Variants in DYRK4 observed in about 807,000 individuals in gnomAD.
DYRK4 encodes the protein dual specificity tyrosine phosphorylation regulated kinase 4.
A neutral mutation model predicts 68.3 loss-of-function variants in DYRK4; 64 were observed. The observed-to-expected ratio is 0.94, with a 90% confidence interval of 0.77 to 1.15. The LOEUF is 1.15. DYRK4 is among the 50% of genes most tolerant of loss of function. The pLI is 0.00. For synonymous variants in DYRK4, 274 were observed against 289.9 expected (o/e 0.95, Z 0.56); for missense variants, 740 against 764.7 (o/e 0.97, Z 0.38).
intron 1 of DYRK4, among the ~76,000 whole-genome samples, chr12:4,563,849 GA>G (rs1944652296): frequency 6.6e-6 from 1 of 152,222 alleles, no homozygotes. Flanking sequence ...ATCAGTGGAG[GA>G]AATTTTGCTC....
intron 2 of DYRK4, among the ~76,000 whole-genome samples, chr12:4,586,054 A>G (rs1468579217): frequency 6.6e-6 from 1 of 152,134 alleles, no homozygotes; most frequent in Non-Finnish European, 1.5e-5. Flanking sequence ...CTCTACCAAA[A>G]ATAAAAATAA....
At position 4,591,125 on chromosome 12, in the gene DYRK4, G is replaced by C. The variant is rs1353730679; in HGVS notation, c.325-35G>C. 6.2e-7 allele frequency: 1 copy of C among 1,610,950 alleles called. No homozygotes were observed. Among genetic ancestry groups the C allele is most frequent in the African/African-American group, 1.3e-5 (1 of 74,876 alleles). ...TTTATGGCCCCCAGGAGAGTCCTAA[G>C]TAGTTATTTATTGCAAACCTCTTTT... On this transcript the variant is annotated intron_variant, in intron 4 of 14. Coordinates refer to ENST00000543431, the MANE Select transcript of DYRK4 (RefSeq NM_001394779.1). The surrounding 1 kb of genome is among the most constrained non-coding windows in gnomAD (Gnocchi z 4.1).
intron 1 of DYRK4, chr12:4,562,928 C>A (rs1028049666): frequency 2.7e-6 from 1 of 367,398 alleles, no homozygotes; most frequent in South Asian, 2.0e-5. Flanking sequence ...TTTTTAAAGG[C>A]TATTCTGTGA....
rs1415865244 is a variant in DYRK4 at position 4,596,595 on chromosome 12, C to T, written c.771C>T (p.His257=). Reference sequence around the variant, plus strand: ...CCACTCCCAATCACCTTAGGTTTCACCAGCAGGCCCTGATGGAGCTGAAGA... The same window carrying T: ...CCACTCCCAATCACCTTAGGTTTCATCAGCAGGCCCTGATGGAGCTGAAGA... ...LKIIRNKKRF[H]QQALMELKIL... The change falls in exon 8 of 15, where the codon CAC becomes CAT. Residue 257 remains histidine, a synonymous_variant. Coordinates refer to ENST00000543431, the MANE Select transcript of DYRK4 (RefSeq NM_001394779.1). The T allele has an allele frequency of 6.2e-7, 1 of 1,613,704 alleles. No individual in the cohort carries two copies.
intron 10 of DYRK4, chr12:4,602,969 T>G (rs1305629536): frequency 1.1e-6 from 1 of 875,582 alleles, no homozygotes; most frequent in African/African-American, 1.6e-5. Flanking sequence ...GAGCTTAAAT[T>G]TTCACTCCCT....
intron 2 of DYRK4, among the ~76,000 whole-genome samples, chr12:4,587,855 A>T (rs1944913082): frequency 6.6e-6 from 1 of 152,204 alleles, no homozygotes. Flanking sequence ...AGTGGGTCTG[A>T]TACCAGCTGT....
rs944948674 is a variant in DYRK4 at position 4,562,223 on chromosome 12, G to C, written c.-23G>C. ...CCGGGCTCTCACAGCCTCCCGCAGC[G>C]GCGGGCGGTCAGCGCCGGCCTCATG... On this transcript the variant is annotated 5_prime_UTR_variant, in exon 1 of 15. Transcript: ENST00000543431. 6.6e-7 allele frequency: 1 copy of C among 1,523,538 alleles called. No individual in the cohort carries two copies. Among genetic ancestry groups the C allele is most frequent in the Non-Finnish European group, 8.8e-7 (1 of 1,140,824 alleles). 94.4% of individuals were successfully genotyped at this position (1,523,538 alleles called of 1,614,324 possible).
rs1163360041 is a variant in DYRK4, at chr12:4,599,055, T to C, written c.933T>C (p.Asn311=). 6 of 1,614,134 alleles carry C rather than the reference T, an allele frequency of 3.7e-6. No individual in the cohort carries two copies. The Admixed American group carries it at 1.0e-4, about 27-fold the overall frequency. ...LGINLYELMK[N]NNFQGFSLSI... is the part of the protein sequence containing the mutation. Reference sequence around the variant, plus strand: ...TCAACTTGTATGAGTTGATGAAGAATAACAACTTTCAAGGCTTCAGTCTGT... The same window carrying C: ...TCAACTTGTATGAGTTGATGAAGAACAACAACTTTCAAGGCTTCAGTCTGT... The change falls in exon 9 of 15, where the codon AAT becomes AAC. Residue 311 remains asparagine (N), a synonymous_variant. Coordinates refer to ENST00000543431, the MANE Select transcript of DYRK4 (RefSeq NM_001394779.1).
At chr12:4,572,430 C>A (rs1478012553) in intron 2 of DYRK4, among the ~76,000 whole-genome samples, 5 of 151,980 alleles carry the variant, frequency 3.3e-5, no homozygotes, top group Non-Finnish European at 5.9e-5. Context: ...TACAGGCGCC[C>A]GCCACCACAC....
At chr12:4,564,671 C>G (rs191271872) in intron 1 of DYRK4, among the ~76,000 whole-genome samples, 3 of 152,282 alleles carry the variant, frequency 2.0e-5, no homozygotes, top group Admixed American at 6.5e-5. Context: ...TTTTATTTAT[C>G]TTTGAATCCT....
At chr12:4,606,336 C>CTG (rs1196444694) in intron 11 of DYRK4, among the ~76,000 whole-genome samples, 2 of 148,488 alleles carry the variant, frequency 1.3e-5, no homozygotes, top group African/African-American at 5.0e-5. Flanking sequence ...GTATCTGTAT[C>CTG]TATCTATCTT....
chr12:4,565,035 C>G (rs1036696188), intron 1 of DYRK4, among the ~76,000 whole-genome samples: 1 of 152,286 alleles, frequency 6.6e-6, no homozygotes, highest in Admixed American at 6.5e-5. Context: ...TGAGAATGGC[C>G]AAACTTTTGG....
At chr12:4,606,557 G>T (rs190736394) in intron 11 of DYRK4, among the ~76,000 whole-genome samples, 177 of 152,316 alleles carry the variant, frequency 1.2e-3, no homozygotes, top group African/African-American at 4.1e-3. Flanking sequence ...TTTTGACTAG[G>T]CATTTCCCAG....
chr12:4,606,988 T>TATC (rs1945159780), intron 11 of DYRK4, among the ~76,000 whole-genome samples: 2 of 152,244 alleles, frequency 1.3e-5, no homozygotes, highest in Admixed American at 6.5e-5. Flanking sequence ...TGGTGGGATA[T>TATC]ATCATTCTTT....
chr12:4,613,259 C>G lies in DYRK4; in HGVS notation c.1667-256C>G, dbSNP rs1242855295. 1.3e-5 allele frequency among the ~76,000 whole-genome samples: 2 copies of G among 152,182 alleles called. No individual in the cohort carries two copies. On this transcript the variant is annotated intron_variant, in intron 14 of 14. Transcript: ENST00000543431. This position sits in a 1 kb window ranked among gnomAD's most constrained non-coding sequence, Gnocchi z 4.0. Reference sequence around the variant, plus strand: ...ACCACTTATCAGGTGTGGACTTAACCTCTCTGTAGCTCAGTATCTCCATTT... The same window carrying G: ...ACCACTTATCAGGTGTGGACTTAACGTCTCTGTAGCTCAGTATCTCCATTT...
rs542597255 is a variant in DYRK4 at position 4,567,902 on chromosome 12, T to C, written c.39-53T>C. ...CTTCTGTCCCTGAGTGTGTGGGCCA[T>C]TACTTAGATTTGACTCCTCCTGCCA... On this transcript the variant is annotated intron_variant, in intron 1 of 14. Coordinates refer to ENST00000543431, the MANE Select transcript of DYRK4 (RefSeq NM_001394779.1). The C allele has an allele frequency of 1.2e-4, 173 of 1,416,458 alleles. 3 individuals carry two copies. In the South Asian group the frequency reaches 2.0e-3, roughly 16 times the overall value. 87.7% of individuals were successfully genotyped at this position (1,416,458 alleles called of 1,614,324 possible).
At chr12:4,585,508 C>G (rs1044017850) in intron 2 of DYRK4, among the ~76,000 whole-genome samples, 1 of 152,138 alleles carries the variant, frequency 6.6e-6, no homozygotes, top group Non-Finnish European at 1.5e-5. Flanking sequence ...AACCATCATT[C>G]TCAGCAAACT....
chr12:4,565,129 C>T (rs557058836), intron 1 of DYRK4, among the ~76,000 whole-genome samples: 228 of 152,238 alleles, frequency 1.5e-3, no homozygotes, highest in African/African-American at 2.6e-3. Context: ...AAGATACAAA[C>T]GAAATATAAA....
At chr12:4,563,300 C>T (rs1452395430) in intron 1 of DYRK4, 6 of 380,076 alleles carry the variant, frequency 1.6e-5, no homozygotes, top group Middle Eastern at 9.2e-4. Flanking sequence ...AGAGGTAAAT[C>T]GGAAGGGACT....
Sources: allele counts gnomAD v4.1 joint callset (sites outside exome capture counted in the v4.1 genomes callset), GRCh38; gene constraint gnomAD v4.1.1; non-coding constraint Gnocchi (gnomAD v3.1); transcripts MANE v1.5; gene names NCBI Gene and HGNC (gene_info 2026-07-23, HGNC 2026-07-21).